Variants in ATP10A observed in about 807,000 individuals in gnomAD.
The protein encoded by ATP10A is phospholipid-transporting ATPase VA.
A neutral mutation model predicts 147.8 loss-of-function variants in ATP10A; 111 were observed. The observed-to-expected ratio is 0.75, with a 90% CI of 0.64 to 0.88. The LOEUF (loss-of-function observed/expected upper bound fraction) is 0.88, where lower values mean the gene tolerates loss of function less well. ATP10A is among the 40% of genes least tolerant of loss of function. ATP10A has a pLI of 0.00. For missense variants in ATP10A, 1,927 were observed against 1,959.0 expected (o/e 0.98, Z 0.31); for synonymous variants, 875 against 841.6 (o/e 1.04, Z -0.69).
chr15:25,726,139 T>C, intron 4 of ATP10A, 57 bp from the exon 5 acceptor site: 1 of 1,580,076 alleles, frequency 6.3e-7, no homozygotes, highest in Non-Finnish European at 8.6e-7. Context: ...AGGGACCAGC[T>C]GCATGGATGG....
intron 9 of ATP10A, 146 bp downstream of exon 9, chr15:25,716,584 G>T: frequency 1.4e-6 from 1 of 731,230 alleles, no homozygotes. Context: ...CCAGTATGAA[G>T]CACCCCACCG....
intron 1 of ATP10A, among the ~76,000 whole-genome samples, chr15:25,794,955 G>A (rs1890599097): frequency 6.6e-6 from 1 of 152,168 alleles, no homozygotes; most frequent in Non-Finnish European, 1.5e-5. Flanking sequence ...CACAGCTGGA[G>A]GTCGGAACAG....
At chr15:25,821,680 A>G (rs1891897266) in intron 1 of ATP10A, among the ~76,000 whole-genome samples, 1 of 152,176 alleles carries the variant, frequency 6.6e-6, no homozygotes, top group African/African-American at 2.4e-5. Flanking sequence ...CAAATAATGA[A>G]GTCAATGGTC....
chr15:25,784,792 C>T (rs1890079908), intron 1 of ATP10A, among the ~76,000 whole-genome samples: 2 of 152,064 alleles, frequency 1.3e-5, no homozygotes, highest in African/African-American at 2.4e-5. Flanking sequence ...TGTGGTGGCA[C>T]GTGCCTGTAA....
intron 1 of ATP10A, among the ~76,000 whole-genome samples, chr15:25,810,516 C>G (rs1891382563): frequency 6.6e-6 from 1 of 152,144 alleles, no homozygotes; most frequent in African/African-American, 2.4e-5. Context: ...ACTCTGGGCA[C>G]GGGGACTGTT....
intron 1 of ATP10A, among the ~76,000 whole-genome samples, chr15:25,804,257 GGT>G (rs373396728): frequency 1.1e-4 from 17 of 151,142 alleles, no homozygotes; most frequent in East Asian, 3.9e-4. Flanking sequence ...CTATGTGCAT[GGT>G]GTGTGTGTGG....
chr15:25,816,992 C>G (rs1216705449), intron 1 of ATP10A, among the ~76,000 whole-genome samples: 1 of 152,130 alleles, frequency 6.6e-6, no homozygotes, highest in African/African-American at 2.4e-5. Flanking sequence ...AAAATCCTAC[C>G]TGAATTTTAC....
intron 1 of ATP10A, chr15:25,841,438 C>G (rs919180592): frequency 6.6e-6 from 1 of 152,096 alleles, no homozygotes; most frequent in Non-Finnish European, 1.5e-5. Flanking sequence ...TGTGCCATCC[C>G]TTTGCTGATA....
chr15:25,674,414 A>C (rs1202080591), downstream of ATP10A, among the ~76,000 whole-genome samples: 1 of 37,956 alleles, frequency 2.6e-5, no homozygotes, highest in Non-Finnish European at 5.1e-5. Flanking sequence ...CAGCGTAGGG[A>C]CTGCTGTTGA....
intron 1 of ATP10A, among the ~76,000 whole-genome samples, chr15:25,813,056 A>G (rs959665538): frequency 6.6e-6 from 1 of 152,200 alleles, no homozygotes; most frequent in African/African-American, 2.4e-5. Flanking sequence ...GGGCAGATGA[A>G]GTTTGTAAGG....
At chr15:25,861,930 G>A (rs377542883) in intron 1 of ATP10A, 15 of 243,910 alleles carry the variant, frequency 6.1e-5, no homozygotes, top group Middle Eastern at 1.6e-3. Flanking sequence ...CTAAAACTCA[G>A]GGAGGGAAAA....
chr15:25,728,579 C>A (rs545871115), intron 3 of ATP10A, among the ~76,000 whole-genome samples: 1 of 152,226 alleles, frequency 6.6e-6, no homozygotes, highest in Non-Finnish European at 1.5e-5. Context: ...CCCCCTATCA[C>A]GTGTCTCCCG....
chr15:25,805,164 A>G lies in ATP10A; in HGVS notation c.450-23941T>C, dbSNP rs956187882. 2.6e-5 allele frequency among the ~76,000 whole-genome samples: 4 copies of G among 152,128 alleles called. No individual in the cohort carries two copies. In the East Asian group the frequency reaches 7.7e-4, roughly 29 times the overall value. On this transcript the variant is annotated intron_variant, in intron 1 of 20. Coordinates refer to ENST00000555815, the MANE Select transcript of ATP10A (RefSeq NM_024490.4). ...GGACCCCTGTCTGCCACGTGTAGAG[A>G]AGCTGCACCCAGTGATCCTTCTCAA...
At chr15:25,698,899 T>G (rs948791797) in intron 13 of ATP10A, among the ~76,000 whole-genome samples, 1 of 152,086 alleles carries the variant, frequency 6.6e-6, no homozygotes, top group Non-Finnish European at 1.5e-5. Flanking sequence ...AACATGTATA[T>G]GATGTGTATG....
intron 1 of ATP10A, among the ~76,000 whole-genome samples, chr15:25,851,326 G>C (rs999296474): frequency 6.6e-6 from 1 of 151,756 alleles, no homozygotes. Flanking sequence ...TCGTGGCCTA[G>C]GTTGAGTTTC....
rs191675963 is a variant in ATP10A at position 25,764,038 on chromosome 15, G to A, written c.654+16981C>T. 2.5e-3 allele frequency among the ~76,000 whole-genome samples: 386 copies of A among 152,280 alleles called. 3 individuals carry two copies. Among genetic ancestry groups the A allele is most frequent in the African/African-American group, 9.0e-3 (372 of 41,554 alleles). On this transcript the variant is annotated intron_variant, in intron 2 of 20. Transcript: ENST00000555815. ...AGAAGAATATGCCTCATTATGTCCA[G>A]GTGACACCCATGCAATGCAGGGCTT...
intron 12 of ATP10A, among the ~76,000 whole-genome samples, chr15:25,705,991 A>G (rs1178440493): frequency 6.6e-6 from 1 of 152,112 alleles, no homozygotes; most frequent in East Asian, 1.9e-4. Context: ...TGACAGCGGG[A>G]TGTGGTGGAA....
chr15:25,715,680 GTC>G (rs1364408945), intron 9 of ATP10A, among the ~76,000 whole-genome samples: 1 of 152,260 alleles, frequency 6.6e-6, no homozygotes, highest in African/African-American at 2.4e-5. Context: ...AAGCCTGCTG[GTC>G]TCTGAGTGGC....
chr15:25,682,053 TAAAA>T (rs5811392), intron 17 of ATP10A, among the ~76,000 whole-genome samples: 2,753 of 127,148 alleles, frequency 0.022, 90 homozygotes, highest in African/African-American at 0.062. Context: ...GACCTTGTCT[TAAAA>T]AAAAAAAAAA....
Sources: allele counts gnomAD v4.1 joint callset (sites outside exome capture counted in the v4.1 genomes callset), GRCh38; gene constraint gnomAD v4.1.1; transcripts MANE v1.5; gene names NCBI Gene and HGNC (gene_info 2026-07-23, HGNC 2026-07-21).